The following PCDHGA6 variants were observed in gnomAD, a reference collection of about 807,000 sequenced individuals.
The protein encoded by PCDHGA6 is protocadherin gamma-A6.
A neutral mutation model predicts 60.6 loss-of-function variants in PCDHGA6; 41 were observed. The ratio of observed to expected loss-of-function variants is 0.68; its 90% confidence interval spans 0.53 to 0.88. PCDHGA6 has a LOEUF of 0.88. Ranked by LOEUF, PCDHGA6 falls within the 40% of genes least tolerant of loss-of-function variation. The probability of loss-of-function intolerance (pLI) is 0.00; values close to 1 mark genes in which losing one functional copy is unlikely to be tolerated. For synonymous variants in PCDHGA6, 594 were observed against 524.4 expected (o/e 1.13, Z -1.81); for missense variants, 1,312 against 1,203.0 (o/e 1.09, Z -1.34).
At position 141,375,557 on chromosome 5, in the gene PCDHGA6, G is replaced by A; in HGVS notation, c.1474G>A (p.Ala492Thr). Residue 492 changes from alanine to threonine, a missense_variant, in exon 1 of 4, where the codon GCA becomes ACA. Ala to Thr is a moderately conservative substitution (Grantham distance 58, BLOSUM62 0). Transcript: ENST00000517434. ...GAACGCCCAAGTCTCCTACTCACTG[G>A]CAGAAGACACCCTCCAGGGGGCGCC... The part of the protein sequence containing the change: ...DQNAQVSYSL[A>T]EDTLQGAPLS... The A allele has an allele frequency of 6.2e-7, 1 of 1,613,988 alleles. No homozygotes were observed. The highest frequency in any genetic ancestry group is 8.5e-7 in the Non-Finnish European group (1 of 1,179,950).
At chr5:141,393,876 C>A in intron 1 of PCDHGA6, 1 of 1,613,862 alleles carries the variant, frequency 6.2e-7, no homozygotes, top group Non-Finnish European at 8.5e-7. Context: ...TTTGTTTAGC[C>A]CAGTGTTAGA....
intron 2 of PCDHGA6, among the ~76,000 whole-genome samples, chr5:141,495,662 C>G (rs545912968): frequency 6.6e-6 from 1 of 152,138 alleles, no homozygotes; most frequent in Admixed American, 6.6e-5. Flanking sequence ...TGATCTGTGC[C>G]GCCCACTGTG....
At chr5:141,428,754 T>C (rs932377392) in intron 1 of PCDHGA6, 7 of 154,708 alleles carry the variant, frequency 4.5e-5, no homozygotes, top group African/African-American at 1.4e-4. Context: ...TTGCTTCAGG[T>C]TTGTTTGCCC....
chr5:141,409,282 A>G (rs769745022), intron 1 of PCDHGA6: 1 of 1,613,958 alleles, frequency 6.2e-7, no homozygotes, highest in East Asian at 2.2e-5. Context: ...TGGAGAATTC[A>G]CCTCCAGGAA....
intron 1 of PCDHGA6, chr5:141,388,401 A>C: frequency 6.2e-7 from 1 of 1,614,026 alleles, no homozygotes; most frequent in East Asian, 2.2e-5. Context: ...TTACCAACTC[A>C]GTCCCAGTGA....
Position 141,397,579 on chromosome 5 carries a change from A to G in PCDHGA6, c.2424+21072A>G, listed in dbSNP as rs73279085. Among the ~76,000 whole-genome samples, 1,264 of 152,334 alleles carry G rather than the reference A, an allele frequency of 8.3e-3. 17 individuals are homozygous for G. Among genetic ancestry groups the G allele is most frequent in the African/African-American group, 0.029 (1,200 of 41,570 alleles). On this transcript the variant is annotated intron_variant, in intron 1 of 3. Coordinates refer to ENST00000517434, the MANE Select transcript of PCDHGA6 (RefSeq NM_018919.3). ...AGGCTCTGAGAGCAAGAACTGTATCATATTAATTATTATATTGCCAGTGAC... is the reference window on the plus strand; with the variant it reads ...AGGCTCTGAGAGCAAGAACTGTATCGTATTAATTATTATATTGCCAGTGAC...
chr5:141,477,970 T>G lies in PCDHGA6; in HGVS notation c.2425-16837T>G. ...TCTTGGGATCCCCTAACCAGAGCCTTTTTGCCATAGGGCTGCACACTGGTC... is the reference window on the plus strand; with the variant it reads ...TCTTGGGATCCCCTAACCAGAGCCTGTTTGCCATAGGGCTGCACACTGGTC... On this transcript the variant is annotated intron_variant, in intron 1 of 3. Coordinates refer to ENST00000517434, the MANE Select transcript of PCDHGA6 (RefSeq NM_018919.3). This position sits in a 1 kb window ranked among gnomAD's most constrained non-coding sequence, Gnocchi z 4.9. 1 of 1,614,090 alleles carries G rather than the reference T, an allele frequency of 6.2e-7. No homozygotes were observed. The highest frequency in any genetic ancestry group is 8.5e-7 in the Non-Finnish European group (1 of 1,180,002).
At chr5:141,465,889 G>A (rs956310325) in intron 1 of PCDHGA6, among the ~76,000 whole-genome samples, 4 of 152,056 alleles carry the variant, frequency 2.6e-5, no homozygotes, top group Admixed American at 6.5e-5. Context: ...TTGGGAGGCC[G>A]AGGCGGGCAA....
intron 1 of PCDHGA6, chr5:141,414,799 G>T (rs1177065576): frequency 1.9e-6 from 3 of 1,614,096 alleles, no homozygotes; most frequent in Non-Finnish European, 2.5e-6. Flanking sequence ...CAGCGACAGC[G>T]GGGATCCTCC....
intron 1 of PCDHGA6, among the ~76,000 whole-genome samples, chr5:141,457,656 G>T (rs2098926936): frequency 6.6e-6 from 1 of 152,244 alleles, no homozygotes; most frequent in Non-Finnish European, 1.5e-5. Context: ...ATGAAGTGCA[G>T]CAAGAATGGT....
chr5:141,505,041 C>T (rs1028101225), intron 2 of PCDHGA6, among the ~76,000 whole-genome samples: 4 of 152,142 alleles, frequency 2.6e-5, no homozygotes, highest in African/African-American at 9.7e-5. Flanking sequence ...AGGTGCCTGT[C>T]ATCCCAGCTA....
intron 1 of PCDHGA6, chr5:141,420,067 A>C (rs2096463342): frequency 6.2e-7 from 1 of 1,614,034 alleles, no homozygotes; most frequent in Non-Finnish European, 8.5e-7. Flanking sequence ...CCAAGTCCGG[A>C]CCTGTGGGTC....
rs749121255 is a variant in PCDHGA6 at position 141,415,427 on chromosome 5, G to A, written c.2424+38920G>A. 3.1e-6 allele frequency: 5 copies of A among 1,614,050 alleles called. No homozygotes were observed. Among genetic ancestry groups the A allele is most frequent in the African/African-American group, 1.3e-5 (1 of 74,926 alleles). ...CACTTTGTGGGCGTGGACGGGGTTC[G>A]GGCTTTCCTGCAGACCTATTCCCAC... is the stretch of plus-strand genomic sequence containing the variant. On this transcript the variant is annotated intron_variant, in intron 1 of 3. Transcript: ENST00000517434.
chr5:141,475,731 C>T (rs991175739), intron 1 of PCDHGA6, among the ~76,000 whole-genome samples: 1 of 152,248 alleles, frequency 6.6e-6, no homozygotes, highest in African/African-American at 2.4e-5. Context: ...GGCTGGCTTT[C>T]CCTAAGGTAG....
At chr5:141,390,123 C>T in intron 1 of PCDHGA6, 1 of 1,614,008 alleles carries the variant, frequency 6.2e-7, no homozygotes, top group Non-Finnish European at 8.5e-7. Context: ...GGGGACTTTG[C>T]CTTATTCCTA....
At chr5:141,410,600 C>T in intron 1 of PCDHGA6, 1 of 1,608,048 alleles carries the variant, frequency 6.2e-7, no homozygotes, top group Non-Finnish European at 8.5e-7. Flanking sequence ...TTTGACTTCA[C>T]ATCCTGAGAC....
At position 141,511,313 on chromosome 5, in the gene PCDHGA6, CAGAA is replaced by C; in HGVS notation, c.*142_*145del. The C allele has an allele frequency of 2.0e-6, 3 of 1,482,944 alleles. No homozygotes were observed. In the South Asian group the frequency reaches 4.1e-5, roughly 20 times the overall value. 91.9% of individuals were successfully genotyped at this position (1,482,944 alleles called of 1,614,324 possible). ...CCAAGGCCATGCTCCCCTTGGGAAA[CAGAA>C]ACAAGTGCCCAGTCAGCACCTACCC... On this transcript the variant is annotated 3_prime_UTR_variant, in exon 4 of 4. Transcript: ENST00000517434.
chr5:141,417,851 G>T (rs1196210157), intron 1 of PCDHGA6: 1 of 1,543,508 alleles, frequency 6.5e-7, no homozygotes. Flanking sequence ...GCGAGAACCC[G>T]AGCGAACGAT....
chr5:141,476,733 G>C lies in PCDHGA6; in HGVS notation c.2425-18074G>C, dbSNP rs373439335. On this transcript the variant is annotated intron_variant, in intron 1 of 3. Transcript: ENST00000517434. This position sits in a 1 kb window ranked among gnomAD's most constrained non-coding sequence, Gnocchi z 7.6. ...TTGGAGCGCGCCCTGGACCGAGAAC[G>C]GGAGCCTAGTCTCCAGTTAGTGCTG... 6.2e-6 allele frequency: 10 copies of C among 1,614,062 alleles called. No individual in the cohort carries two copies. The highest frequency in any genetic ancestry group is 2.2e-5 in the East Asian group (1 of 44,870).
Sources: gnomAD v4.1 joint callset for allele counts (sites outside exome capture counted in the v4.1 genomes callset) on GRCh38, gnomAD v4.1.1 for gene constraint, Gnocchi (gnomAD v3.1) non-coding constraint, MANE v1.5 for transcripts, NCBI Gene and HGNC (gene_info 2026-07-23, HGNC 2026-07-21) for gene names.